Variants in KLRB1 observed in about 807,000 individuals in gnomAD.
KLRB1 encodes the protein killer cell lectin-like receptor subfamily B member 1.
KLRB1 carries 27 observed loss-of-function variants against 33.5 expected under a neutral mutation model. The observed-to-expected ratio is 0.81, with a 90% confidence interval of 0.59 to 1.11. The LOEUF (loss-of-function observed/expected upper bound fraction) is 1.11, where lower values mean the gene tolerates loss of function less well. KLRB1 is among the 50% of genes most tolerant of loss of function. The pLI is 0.00. For missense variants in KLRB1, 241 were observed against 254.1 expected, an observed-to-expected ratio of 0.95 and a Z score of 0.35; for synonymous variants, 64 against 88.9, an observed-to-expected ratio of 0.72 and a Z score of 1.58.
chr12:9,600,402 G>T (rs1372533673), intron 2 of KLRB1, among the ~76,000 whole-genome samples: 1 of 152,096 alleles, frequency 6.6e-6, no homozygotes, highest in Admixed American at 6.6e-5. Flanking sequence ...TAGAAACATT[G>T]TTTCATGACT....
chr12:9,607,543 A>C, intron 1 of KLRB1: 1 of 484,314 alleles, frequency 2.1e-6, no homozygotes, highest in Non-Finnish European at 3.8e-6. Flanking sequence ...TTTGCTTTTC[A>C]TGCTAACTTG....
chr12:9,601,499 A>G lies in KLRB1; in HGVS notation c.184+2T>C. 6.2e-7 allele frequency: 1 copy of G among 1,601,854 alleles called. No homozygotes were observed. The highest frequency in any genetic ancestry group is 1.1e-5 in the South Asian group (1 of 90,822). Reference sequence around the variant, plus strand: ...TGAAACAGATGATGGTGCCCCACTTACCTGAAACACTCAACCCAGTAACAA... The same window carrying G: ...TGAAACAGATGATGGTGCCCCACTTGCCTGAAACACTCAACCCAGTAACAA... On this transcript the variant is annotated splice_donor_variant, in intron 2 of 5. Transcript: ENST00000229402. LOFTEE classifies it high-confidence loss of function.
chr12:9,604,407 G>A lies in KLRB1; in HGVS notation c.86-2808C>T, dbSNP rs202082865. On this transcript the variant is annotated intron_variant, in intron 1 of 5. Coordinates refer to ENST00000229402, the MANE Select transcript of KLRB1 (RefSeq NM_002258.3). ...TGGATGTTATCACTCACATCTCTCT[G>A]GTTTTGTTGACTGCCTTAGACACAA... Among the ~76,000 whole-genome samples the A allele has an allele frequency of 4.4e-5, 6 of 135,754 alleles. No homozygotes were observed. In the East Asian group the frequency reaches 1.4e-3, roughly 31 times the overall value. 89.1% of individuals were successfully genotyped at this position (135,754 alleles called of 152,430 possible).
chr12:9,596,449 G>A (rs1864493186), intron 5 of KLRB1, among the ~76,000 whole-genome samples: 1 of 152,066 alleles, frequency 6.6e-6, no homozygotes, highest in African/African-American at 2.4e-5. Flanking sequence ...TCCTTGATGA[G>A]ACATCTGGCT....
chr12:9,598,108 T>G lies in KLRB1; in HGVS notation c.468A>C (p.Leu156Phe). 1 of 1,598,528 alleles carries G rather than the reference T, an allele frequency of 6.3e-7. No homozygotes were observed. The highest frequency in any genetic ancestry group is 8.5e-7 in the Non-Finnish European group (1 of 1,174,918). The change falls in exon 5 of 6, where the codon TTA becomes TTC. Residue 156 changes from leucine (L) to phenylalanine (F), a missense_variant. Physicochemically the swap from Leu to Phe is conservative, Grantham distance 22. Coordinates refer to ENST00000229402, the MANE Select transcript of KLRB1 (RefSeq NM_002258.3). ...AGTTCTTTTCTGATAATGAAAAATTTAATCCAATCCAAAACAGAATTGCTT... is the reference window on the plus strand; with the variant it reads ...AGTTCTTTTCTGATAATGAAAAATTGAATCCAATCCAAAACAGAATTGCTT... ...RDKAILFWIG[L>F]NFSLSEKNWK... is the part of the protein sequence containing the mutation.
rs1456612607 is a variant in KLRB1 at position 9,595,833 on chromosome 12, G to A, written c.531-412C>T. ...CATGGAGATGAAATATGAAAATGTG[G>A]CAATACTTCAAAAATATGTGCTGAG... is the stretch of plus-strand genomic sequence containing the variant. On this transcript the variant is annotated intron_variant, in intron 5 of 5. Coordinates refer to ENST00000229402, the MANE Select transcript of KLRB1 (RefSeq NM_002258.3). Among the ~76,000 whole-genome samples the A allele has an allele frequency of 2.6e-5, 4 of 152,118 alleles. 1 individual carries two copies. Among genetic ancestry groups the A allele is most frequent in the African/African-American group, 9.7e-5 (4 of 41,428 alleles).
intron 2 of KLRB1, among the ~76,000 whole-genome samples, chr12:9,600,479 A>T (rs1436885508): frequency 6.6e-6 from 1 of 152,198 alleles, no homozygotes; most frequent in Non-Finnish European, 1.5e-5. Context: ...GGGAAAAGCA[A>T]GAGAGATCAG....
intron 2 of KLRB1, 112 bp downstream of exon 2, chr12:9,601,389 T>C (rs1864539557): frequency 2.9e-6 from 2 of 687,316 alleles, no homozygotes; most frequent in Non-Finnish European, 5.2e-6. Flanking sequence ...CGTCCCACCT[T>C]ACGAGAAACA....
Position 9,598,507 on chromosome 12 carries a change from C to G in KLRB1, c.406G>C (p.Asp136His), listed in dbSNP as rs775171276. Residue 136 changes from aspartate to histidine, a missense_variant, in exon 4 of 6, where the codon GAT becomes CAT. Asp to His is a moderately conservative substitution (Grantham distance 81). Transcript: ENST00000229402. The stretch of plus-strand genomic sequence containing the variant: ...TTTATTTAATGATTTACCAATTCAT[C>G]CTTATCTCGAATAAGCAGCAGGCTG... ...ESSLLLIRDKDELIHTQNLIR... is the reference protein window; with the variant it reads ...ESSLLLIRDKHELIHTQNLIR... 10 of 1,609,156 alleles carry G rather than the reference C, an allele frequency of 6.2e-6. No individual in the cohort carries two copies. In the Admixed American group the frequency reaches 1.7e-4, roughly 27 times the overall value.
At position 9,601,594 on chromosome 12, in the gene KLRB1, A is replaced by G. The variant is rs1443242421; in HGVS notation, c.91T>C (p.Cys31Arg). Residue 31 changes from cysteine to arginine, a missense_variant, in exon 2 of 6, where the codon TGT becomes CGT. By Grantham distance (180) the Cys-to-Arg change is radical (BLOSUM62 -3). Transcript: ENST00000229402. ...AATTGATGCCAAGGTGAACCCTGAC[A>G]GACATCTGAAAAGTTAAAAAGAAAA... ...SSPSSLPRDV[C>R]QGSPWHQFAL... 2 of 1,607,848 alleles carry G rather than the reference A, an allele frequency of 1.2e-6. No individual in the cohort carries two copies. The highest frequency in any genetic ancestry group is 2.2e-5 in the South Asian group (2 of 90,840).
chr12:9,595,989 G>A (rs779581011), intron 5 of KLRB1, among the ~76,000 whole-genome samples: 1 of 152,294 alleles, frequency 6.6e-6, no homozygotes, highest in African/African-American at 2.4e-5. Context: ...AAACAGAGGT[G>A]AACAGGTGTC....
intron 1 of KLRB1, 30 bp downstream of exon 1, chr12:9,607,725 A>G (rs776409774): frequency 7.0e-7 from 1 of 1,435,376 alleles, no homozygotes; most frequent in East Asian, 2.3e-5. Context: ...AAGACATACA[A>G]ATGCCGAAAG....
At position 9,606,752 on chromosome 12, in the gene KLRB1, A is replaced by T. The variant is rs868665339; in HGVS notation, c.85+1003T>A. Among the ~76,000 whole-genome samples, 151 of 29,858 alleles carry T rather than the reference A, an allele frequency of 5.1e-3. 2 individuals carry two copies. The Middle Eastern group carries it at 0.056, about 11-fold the overall frequency. 19.6% of individuals were successfully genotyped at this position (29,858 alleles called of 152,430 possible). ...ATAAAAAGTATATATATATATATAT[A>T]TATATATATTTTTTTTTTTTTTTTG... On this transcript the variant is annotated intron_variant, in intron 1 of 5. Transcript: ENST00000229402.
At chr12:9,596,682 T>A (rs753270823) in intron 5 of KLRB1, among the ~76,000 whole-genome samples, 3 of 152,340 alleles carry the variant, frequency 2.0e-5, no homozygotes, top group East Asian at 3.9e-4. Context: ...CCATCCACTT[T>A]ACACATATTT....
intron 1 of KLRB1, among the ~76,000 whole-genome samples, chr12:9,604,727 C>T (rs758718063): frequency 5.9e-5 from 9 of 152,246 alleles, no homozygotes; most frequent in Admixed American, 3.9e-4. Context: ...CTACCCTCCC[C>T]GAAAGTTAAA....
At chr12:9,599,005 C>T (rs189381554) in intron 3 of KLRB1, among the ~76,000 whole-genome samples, 12 of 152,222 alleles carry the variant, frequency 7.9e-5, no homozygotes, top group Admixed American at 7.9e-4. Flanking sequence ...CACTACTTCT[C>T]AGTTTCCTTA....
chr12:9,607,378 T>C (rs142824948), intron 1 of KLRB1, among the ~76,000 whole-genome samples: 2,494 of 92,964 alleles, frequency 0.027, 109 homozygotes, highest in African/African-American at 0.068. Flanking sequence ...CTTTCTTTCT[T>C]TCTTTCTTTC....
At chr12:9,606,754 A>ATTTTTTTTTTTTT (rs1414913660) in intron 1 of KLRB1, among the ~76,000 whole-genome samples, 1 of 25,420 alleles carries the variant, frequency 3.9e-5, no homozygotes, top group Non-Finnish European at 7.4e-5. Context: ...ATATATATAT[A>ATTTTTTTTTTTTT]TATATATTTT....
At chr12:9,599,620 C>G in intron 3 of KLRB1, 147 bp downstream of exon 3, 1 of 665,624 alleles carries the variant, frequency 1.5e-6, no homozygotes, top group South Asian at 1.6e-5. Flanking sequence ...GTTGTTGAAT[C>G]TTTTTATGTC....
Sources: gnomAD v4.1 joint callset for allele counts (sites outside exome capture counted in the v4.1 genomes callset) on GRCh38, gnomAD v4.1.1 for gene constraint, MANE v1.5 for transcripts, NCBI Gene and HGNC (gene_info 2026-07-23, HGNC 2026-07-21) for gene names.